Variants in SDK1 observed in about 807,000 individuals in gnomAD.
The protein encoded by SDK1 is sidekick cell adhesion molecule 1.
In SDK1, 157 loss-of-function variants were observed where a neutral mutation model predicts 245.5. That is an observed-to-expected ratio of 0.64 (90% CI 0.56 to 0.73). The LOEUF is 0.73. Among genes scored for constraint, SDK1 ranks in the 30% least tolerant of loss-of-function variants. SDK1 has a pLI of 0.00. For missense variants in SDK1, 3,583 were observed against 3,002.3 expected, an observed-to-expected ratio of 1.19 and a Z score of -4.52; for synonymous variants, 1,647 against 1,278.5, an observed-to-expected ratio of 1.29 and a Z score of -6.15.
At chr7:4,160,395 C>T (rs1260664171) in intron 31 of SDK1, among the ~76,000 whole-genome samples, 2 of 152,216 alleles carry the variant, frequency 1.3e-5, no homozygotes, top group Non-Finnish European at 2.9e-5. Flanking sequence ...TGAAGGGCCT[C>T]TTCAGACTCC....
At chr7:3,962,559 T>A in intron 8 of SDK1, 98 bp from the exon 9 acceptor site, 1 of 1,047,082 alleles carries the variant, frequency 9.6e-7, no homozygotes, top group Non-Finnish European at 1.4e-6. Flanking sequence ...AGAAAATGCC[T>A]ATTAAAATAT....
chr7:4,018,378 G>A (rs1428291848), intron 17 of SDK1, among the ~76,000 whole-genome samples: 1 of 152,100 alleles, frequency 6.6e-6, no homozygotes, highest in East Asian at 1.9e-4. Flanking sequence ...GTTGTCATCT[G>A]TAAGTCCATA....
chr7:3,824,652 A>G (rs905195937), intron 5 of SDK1, among the ~76,000 whole-genome samples: 1 of 152,210 alleles, frequency 6.6e-6, no homozygotes, highest in African/African-American at 2.4e-5. Flanking sequence ...ACAGGAGGAA[A>G]TAATACATTT....
At chr7:4,201,696 G>A (rs10254751) in intron 35 of SDK1, among the ~76,000 whole-genome samples, 27,629 of 152,122 alleles carry the variant, frequency 0.18, 2,635 homozygotes, top group African/African-American at 0.24. Flanking sequence ...CGTGGCTCTA[G>A]TGACAGCAGA....
At chr7:3,399,079 C>A (rs1231926997) in intron 1 of SDK1, among the ~76,000 whole-genome samples, 1 of 152,086 alleles carries the variant, frequency 6.6e-6, no homozygotes, top group Non-Finnish European at 1.5e-5. Context: ...TCTTTTAGGA[C>A]CCCAGTTATG....
At chr7:3,506,595 G>T (rs1310101099) in intron 1 of SDK1, among the ~76,000 whole-genome samples, 1 of 152,016 alleles carries the variant, frequency 6.6e-6, no homozygotes, top group Non-Finnish European at 1.5e-5. Flanking sequence ...ATATTATATT[G>T]TTTGCTGTTT....
chr7:4,095,770 C>T (rs939382075), intron 22 of SDK1, among the ~76,000 whole-genome samples: 14 of 152,128 alleles, frequency 9.2e-5, no homozygotes, highest in African/African-American at 2.7e-4. Flanking sequence ...GATGGGGTTT[C>T]GCCGTGTGGG....
chr7:3,766,052 T>A (rs1780243004), intron 4 of SDK1, among the ~76,000 whole-genome samples: 1 of 152,194 alleles, frequency 6.6e-6, no homozygotes, highest in African/African-American at 2.4e-5. Context: ...ATCATTTATT[T>A]TACAAATGGC....
intron 7 of SDK1, among the ~76,000 whole-genome samples, chr7:3,952,513 G>C (rs970756164): frequency 1.3e-5 from 2 of 152,140 alleles, no homozygotes; most frequent in Non-Finnish European, 2.9e-5. Flanking sequence ...AACCCAGGAG[G>C]CAGAGGTTGC....
chr7:3,433,510 T>C (rs1779928471), intron 1 of SDK1, among the ~76,000 whole-genome samples: 1 of 152,136 alleles, frequency 6.6e-6, no homozygotes, highest in African/African-American at 2.4e-5. Flanking sequence ...TGTCTGCATC[T>C]CCTCCTTTTT....
At chr7:4,171,183 T>TG (rs1409479026) in intron 32 of SDK1, among the ~76,000 whole-genome samples, 4 of 152,118 alleles carry the variant, frequency 2.6e-5, no homozygotes, top group African/African-American at 4.8e-5. Flanking sequence ...ACGGATGGGG[T>TG]GGCCACGTGC....
chr7:4,225,048 C>G (rs923621048), intron 40 of SDK1, among the ~76,000 whole-genome samples: 17 of 142,368 alleles, frequency 1.2e-4, no homozygotes, highest in Non-Finnish European at 2.0e-4. Flanking sequence ...ACAGAAGGGC[C>G]TGGCTACGAA....
intron 17 of SDK1, among the ~76,000 whole-genome samples, chr7:4,032,778 C>A (rs1358505705): frequency 6.6e-6 from 1 of 152,128 alleles, no homozygotes; most frequent in African/African-American, 2.4e-5. Flanking sequence ...TAAGAAATAG[C>A]AAACACATAC....
At chr7:3,806,698 G>A (rs1196136924) in intron 4 of SDK1, among the ~76,000 whole-genome samples, 1 of 152,228 alleles carries the variant, frequency 6.6e-6, no homozygotes, top group African/African-American at 2.4e-5. Context: ...AAACCACGTT[G>A]CAGTTCTCTG....
intron 14 of SDK1, among the ~76,000 whole-genome samples, chr7:3,989,636 C>G (rs1784144868): frequency 3.9e-5 from 6 of 152,166 alleles, no homozygotes; most frequent in Admixed American, 3.9e-4. Flanking sequence ...CGGGTACCCT[C>G]CCCTGAAACC....
At chr7:4,156,790 G>A (rs1204561702) in intron 30 of SDK1, among the ~76,000 whole-genome samples, 2 of 152,194 alleles carry the variant, frequency 1.3e-5, no homozygotes, top group African/African-American at 4.8e-5. Flanking sequence ...GGACTTCAGA[G>A]ACTTCAGAGT....
intron 4 of SDK1, among the ~76,000 whole-genome samples, chr7:3,662,045 T>A (rs1412126589): frequency 1.2e-5 from 1 of 82,540 alleles, no homozygotes; most frequent in Admixed American, 1.3e-4. Flanking sequence ...GGTTGTATTT[T>A]TTTTTTTTTT....
chr7:4,245,879 G>C, intron 44 of SDK1, 74 bp downstream of exon 44: 2 of 1,569,606 alleles, frequency 1.3e-6, no homozygotes, highest in Admixed American at 3.4e-5. Flanking sequence ...GCCCCCTCAG[G>C]CTGTCTTGTC....
At chr7:3,404,035 G>C (rs73034709) in intron 1 of SDK1, among the ~76,000 whole-genome samples, 5,052 of 151,216 alleles carry the variant, frequency 0.033, 115 homozygotes, top group Middle Eastern at 0.085. Context: ...TTTGTAGTCT[G>C]TTAAGTGAGC....
Sources: allele counts gnomAD v4.1 joint callset (sites outside exome capture counted in the v4.1 genomes callset), GRCh38; gene constraint gnomAD v4.1.1; transcripts MANE v1.5; gene names NCBI Gene and HGNC (gene_info 2026-07-23, HGNC 2026-07-21).